Variants in CNTNAP5 observed in about 807,000 individuals in gnomAD.
CNTNAP5 encodes contactin associated protein family member 5.
CNTNAP5 carries 72 observed loss-of-function variants against 150.2 expected under a neutral mutation model. That is an observed-to-expected ratio of 0.48 (90% CI 0.40 to 0.58). CNTNAP5 has a LOEUF of 0.58. Among genes scored for constraint, CNTNAP5 ranks in the 20% least tolerant of loss-of-function variants. CNTNAP5 has a pLI of 0.00. For missense variants in CNTNAP5, 1,636 were observed against 1,626.2 expected (o/e 1.01, Z -0.10); for synonymous variants, 672 against 619.8 (o/e 1.08, Z -1.25).
chr2:124,770,771 C>T (rs888205760), intron 16 of CNTNAP5, among the ~76,000 whole-genome samples: 1 of 152,190 alleles, frequency 6.6e-6, no homozygotes, highest in African/African-American at 2.4e-5. Context: ...GTTGAAAAAT[C>T]ACAGATCACA....
chr2:124,806,145 T>C (rs1220755457), intron 19 of CNTNAP5, among the ~76,000 whole-genome samples: 2 of 152,208 alleles, frequency 1.3e-5, no homozygotes, highest in African/African-American at 2.4e-5. Flanking sequence ...AAGATTAATA[T>C]ACAATTCATC....
intron 11 of CNTNAP5, among the ~76,000 whole-genome samples, chr2:124,568,038 A>G (rs1201116835): frequency 1.3e-5 from 2 of 152,198 alleles, no homozygotes; most frequent in Non-Finnish European, 2.9e-5. Flanking sequence ...CTTTAAGCCA[A>G]GAGAATCTGC....
chr2:124,769,314 A>C (rs1279966007), intron 16 of CNTNAP5, among the ~76,000 whole-genome samples: 2 of 152,208 alleles, frequency 1.3e-5, no homozygotes, highest in South Asian at 2.1e-4. Context: ...AGTCTTCTCA[A>C]AAGTAAATCA....
intron 10 of CNTNAP5, among the ~76,000 whole-genome samples, chr2:124,537,332 G>T (rs1200321649): frequency 6.6e-6 from 1 of 152,122 alleles, no homozygotes; most frequent in East Asian, 1.9e-4. Context: ...TTTTTGTCTT[G>T]CATTAAAATC....
chr2:124,380,687 C>G (rs1690769025), intron 3 of CNTNAP5, among the ~76,000 whole-genome samples: 1 of 152,112 alleles, frequency 6.6e-6, no homozygotes, highest in Non-Finnish European at 1.5e-5. Flanking sequence ...AATCTCCCTC[C>G]CCTACCTCCA....
At chr2:124,238,565 G>A (rs1558814412) in intron 2 of CNTNAP5, among the ~76,000 whole-genome samples, 1 of 152,060 alleles carries the variant, frequency 6.6e-6, no homozygotes, top group Admixed American at 6.6e-5. Context: ...CTCTTTAAAT[G>A]CAAGTGTTCC....
intron 11 of CNTNAP5, among the ~76,000 whole-genome samples, chr2:124,601,705 C>G (rs1478426715): frequency 6.6e-6 from 1 of 152,056 alleles, no homozygotes; most frequent in Non-Finnish European, 1.5e-5. Flanking sequence ...AAAAACCAAT[C>G]TTCTATAATT....
At chr2:124,080,648 A>G (rs900749319) in intron 1 of CNTNAP5, among the ~76,000 whole-genome samples, 1 of 152,220 alleles carries the variant, frequency 6.6e-6, no homozygotes, top group African/African-American at 2.4e-5. Flanking sequence ...AATCCATTCT[A>G]TAAAAAATGC....
rs140063629 is a variant in CNTNAP5 at position 124,648,011 on chromosome 2, G to T, written c.2077+53G>T. 614 of 1,509,284 alleles carry T rather than the reference G, an allele frequency of 4.1e-4. 3 individuals are homozygous for T. The African/African-American group carries it at 7.7e-3, about 19-fold the overall frequency. 93.5% of individuals were successfully genotyped at this position (1,509,284 alleles called of 1,614,324 possible). On this transcript the variant is annotated intron_variant, in intron 13 of 23. Transcript: ENST00000682447. ...TGGGATAGATGGGACCCTCAGACCTGGAGTATTAGGCAAAGGAAAATTTGC... is the reference window on the plus strand; with the variant it reads ...TGGGATAGATGGGACCCTCAGACCTTGAGTATTAGGCAAAGGAAAATTTGC...
intron 13 of CNTNAP5, among the ~76,000 whole-genome samples, chr2:124,713,311 T>TTCCC (rs1679866231): frequency 1.0e-5 from 1 of 100,048 alleles, no homozygotes; most frequent in African/African-American, 3.3e-5. Flanking sequence ...CTTCTTTCTC[T>TTCCC]TTCTTTCCTT....
At chr2:124,158,217 C>T (rs1047236871) in intron 1 of CNTNAP5, among the ~76,000 whole-genome samples, 1 of 152,166 alleles carries the variant, frequency 6.6e-6, no homozygotes, top group Admixed American at 6.5e-5. Flanking sequence ...CCTTGGAAAA[C>T]ATTATCCATA....
intron 7 of CNTNAP5, among the ~76,000 whole-genome samples, chr2:124,487,007 C>T (rs1009872660): frequency 4.6e-5 from 7 of 152,174 alleles, no homozygotes; most frequent in Non-Finnish European, 1.0e-4. Context: ...TTCTTTTCCG[C>T]TGAAATTGTT....
chr2:124,667,169 G>A (rs1325880741), intron 13 of CNTNAP5, among the ~76,000 whole-genome samples: 4 of 152,184 alleles, frequency 2.6e-5, no homozygotes, highest in Non-Finnish European at 5.9e-5. Flanking sequence ...GTTTATGACT[G>A]CATGCAATTT....
intron 1 of CNTNAP5, among the ~76,000 whole-genome samples, chr2:124,126,103 C>CA (rs760855959): frequency 5.3e-4 from 80 of 151,908 alleles, no homozygotes; most frequent in Non-Finnish European, 9.6e-4. Context: ...AAAAACCCTT[C>CA]AAAAAAATCA....
chr2:124,592,098 T>G (rs1321225560), intron 11 of CNTNAP5, among the ~76,000 whole-genome samples: 1 of 152,262 alleles, frequency 6.6e-6, no homozygotes, highest in East Asian at 1.9e-4. Context: ...GAGTGCAACA[T>G]AGTTTATTCA....
At chr2:124,510,521 A>ACT in intron 8 of CNTNAP5, among the ~76,000 whole-genome samples, 1 of 136,518 alleles carries the variant, frequency 7.3e-6, no homozygotes, top group African/African-American at 2.7e-5. Context: ...ATATATATAC[A>ACT]TATATCTCCA....
rs1301520600 is a variant in CNTNAP5 at position 124,786,405 on chromosome 2, AGG to A, written c.2753-3496_2753-3495del. Among the ~76,000 whole-genome samples the A allele has an allele frequency of 2.5e-3, 232 of 93,136 alleles. 2 individuals are homozygous for A. Among genetic ancestry groups the A allele is most frequent in the African/African-American group, 0.011 (216 of 19,312 alleles). 61.1% of individuals were successfully genotyped at this position (93,136 alleles called of 152,430 possible). A position where few individuals can be genotyped will look rare whatever the true frequency, so the allele number is the denominator to read the frequency against. ...AAAGAAAGAAAGAAAGAAAGAAGGA[AGG>A]AAGGAAGGAAGGAAGGAAGGAAGGA... On this transcript the variant is annotated intron_variant, in intron 17 of 23. Transcript: ENST00000682447.
chr2:124,799,838 A>G (rs1681928698), intron 19 of CNTNAP5, among the ~76,000 whole-genome samples: 1 of 152,218 alleles, frequency 6.6e-6, no homozygotes, highest in Admixed American at 6.5e-5. Context: ...AGATAAAAAT[A>G]GAAGGGAAGG....
At chr2:124,614,080 A>G (rs2104988705) in intron 12 of CNTNAP5, among the ~76,000 whole-genome samples, 1 of 152,350 alleles carries the variant, frequency 6.6e-6, no homozygotes. Flanking sequence ...TAAGTGATTT[A>G]CAATAAGGTT....
Sources: gnomAD v4.1 joint callset for allele counts (sites outside exome capture counted in the v4.1 genomes callset) on GRCh38, gnomAD v4.1.1 for gene constraint, MANE v1.5 for transcripts, NCBI Gene and HGNC (gene_info 2026-07-23, HGNC 2026-07-21) for gene names.